Variants in NCKAP5 observed in about 807,000 individuals in gnomAD.
NCKAP5 encodes the protein nck-associated protein 5.
A neutral mutation model predicts 167.0 loss-of-function variants in NCKAP5; 92 were observed. The ratio of observed to expected loss-of-function variants is 0.55; its 90% CI spans 0.47 to 0.66. The LOEUF (loss-of-function observed/expected upper bound fraction) is 0.66. Ranked by LOEUF, NCKAP5 falls within the 30% of genes least tolerant of loss-of-function variation. The probability of loss-of-function intolerance (pLI) is 0.00; values close to 1 mark genes in which losing one functional copy is unlikely to be tolerated. For missense variants in NCKAP5, 2,378 were observed against 2,315.0 expected, an observed-to-expected ratio of 1.03 and a Z score of -0.56; for synonymous variants, 891 against 877.4, an observed-to-expected ratio of 1.02 and a Z score of -0.27.
At chr2:133,036,132 C>T (rs903797037) in intron 6 of NCKAP5, among the ~76,000 whole-genome samples, 5 of 151,580 alleles carry the variant, frequency 3.3e-5, no homozygotes, top group South Asian at 2.1e-4. Context: ...GAAAAAAATC[C>T]GAAACCTGAA....
At chr2:133,471,644 A>C (rs1249216433) in intron 3 of NCKAP5, among the ~76,000 whole-genome samples, 1 of 152,144 alleles carries the variant, frequency 6.6e-6, no homozygotes, top group Non-Finnish European at 1.5e-5. Flanking sequence ...TTCCAGGACC[A>C]CTGATGCTTT....
At chr2:133,261,679 C>T (rs1170738400) in intron 4 of NCKAP5, among the ~76,000 whole-genome samples, 1 of 152,086 alleles carries the variant, frequency 6.6e-6, no homozygotes, top group Non-Finnish European at 1.5e-5. Flanking sequence ...ACTGAAATGT[C>T]GAAGCTTATC....
chr2:133,346,228 G>A (rs1013094517), intron 3 of NCKAP5, among the ~76,000 whole-genome samples: 6 of 152,150 alleles, frequency 3.9e-5, no homozygotes, highest in Admixed American at 6.5e-5. Context: ...GAATTTGCAG[G>A]AATCCAAAGA....
intron 3 of NCKAP5, among the ~76,000 whole-genome samples, chr2:133,314,892 G>A (rs377185623): frequency 6.6e-5 from 10 of 152,156 alleles, no homozygotes; most frequent in African/African-American, 2.2e-4. Flanking sequence ...TAACCGAGGT[G>A]GCTACTTTGG....
At chr2:132,741,283 T>C (rs184610645) in intron 16 of NCKAP5, among the ~76,000 whole-genome samples, 30 of 152,244 alleles carry the variant, frequency 2.0e-4, no homozygotes, top group Admixed American at 1.8e-3. Context: ...ATTATCGCTA[T>C]ACTCTTGTCA....
At chr2:133,268,357 T>C (rs2089340689) in intron 4 of NCKAP5, 1 of 152,106 alleles carries the variant, frequency 6.6e-6, no homozygotes. Flanking sequence ...GATTTACAGG[T>C]CAGAATTAAA....
chr2:133,031,653 C>T (rs1204841158), intron 6 of NCKAP5, among the ~76,000 whole-genome samples: 1 of 152,108 alleles, frequency 6.6e-6, no homozygotes, highest in Non-Finnish European at 1.5e-5. Context: ...GGAGTGCTGG[C>T]ATCACCCCTC....
chr2:133,566,725 C>T (rs1688580795), intron 1 of NCKAP5, among the ~76,000 whole-genome samples: 2 of 152,222 alleles, frequency 1.3e-5, no homozygotes, highest in South Asian at 4.1e-4. Context: ...TGCTCTTGGA[C>T]AATCACTTCT....
chr2:132,779,022 C>T (rs1402391267), intron 15 of NCKAP5, among the ~76,000 whole-genome samples: 3 of 152,202 alleles, frequency 2.0e-5, no homozygotes, highest in Admixed American at 1.3e-4. Context: ...TAACATTTCT[C>T]TGTATGGAAA....
At chr2:133,283,610 G>T (rs1028824148) in intron 4 of NCKAP5, among the ~76,000 whole-genome samples, 2 of 144,896 alleles carry the variant, frequency 1.4e-5, no homozygotes, top group African/African-American at 2.5e-5. Context: ...AAGCTGAAAA[G>T]GATTTTTTTT....
chr2:132,782,923 T>G lies in NCKAP5; in HGVS notation c.3888A>C (p.Lys1296Asn). ...PSTPPIEGSG[K>N]VRTQIITNTA... is the part of the protein sequence containing the mutation. ...TATTGGTAATGATCTGAGTGCGGACTTTGCCTGACCCTTCGATGGGGGGCG... is the reference window on the plus strand; with the variant it reads ...TATTGGTAATGATCTGAGTGCGGACGTTGCCTGACCCTTCGATGGGGGGCG... The change falls in exon 14 of 20, where the codon AAA becomes AAC. Residue 1296 changes from lysine (K) to asparagine (N), a missense_variant. Lys to Asn is a moderately conservative substitution (Grantham distance 94). Around this residue, in one of 3 missense-constraint regions of NCKAP5, gnomAD observed 1,325 missense variants for 1,274.5 expected, o/e 1.04. Coordinates refer to ENST00000409261, the MANE Select transcript of NCKAP5 (RefSeq NM_207363.3). The G allele has an allele frequency of 6.2e-7, 1 of 1,614,012 alleles. No homozygotes were observed.
chr2:133,366,959 A>G (rs1343098937), intron 3 of NCKAP5, among the ~76,000 whole-genome samples: 1 of 152,186 alleles, frequency 6.6e-6, no homozygotes, highest in Non-Finnish European at 1.5e-5. Flanking sequence ...TCACGTAAAG[A>G]CACTGAAAAT....
At chr2:133,203,326 T>C (rs1200338623) in intron 5 of NCKAP5, among the ~76,000 whole-genome samples, 5 of 151,566 alleles carry the variant, frequency 3.3e-5, no homozygotes, top group African/African-American at 1.2e-4. Context: ...CACTCATAGG[T>C]GGGAACTGAA....
At chr2:133,070,920 T>C (rs754460585) in intron 6 of NCKAP5, among the ~76,000 whole-genome samples, 3 of 152,190 alleles carry the variant, frequency 2.0e-5, no homozygotes, top group African/African-American at 7.2e-5. Context: ...ATTGTGTGAG[T>C]ATCCGATCAC....
intron 5 of NCKAP5, among the ~76,000 whole-genome samples, chr2:133,143,682 G>C (rs2149848372): frequency 6.6e-6 from 1 of 152,220 alleles, no homozygotes; most frequent in African/African-American, 2.4e-5. Context: ...GAGAGAAAAA[G>C]AGAGACTCTT....
intron 5 of NCKAP5, among the ~76,000 whole-genome samples, chr2:133,189,313 G>A (rs1472920521): frequency 1.3e-5 from 2 of 151,974 alleles, no homozygotes; most frequent in African/African-American, 4.8e-5. Context: ...ACCAAAAAAA[G>A]TCCAGGATCA....
chr2:133,188,609 T>C (rs979046340), intron 5 of NCKAP5, among the ~76,000 whole-genome samples: 7 of 152,032 alleles, frequency 4.6e-5, no homozygotes, highest in African/African-American at 1.7e-4. Context: ...GCAATCAAAC[T>C]AGAACTCAGG....
At chr2:133,014,338 T>G (rs1025509904) in intron 6 of NCKAP5, among the ~76,000 whole-genome samples, 6 of 152,196 alleles carry the variant, frequency 3.9e-5, no homozygotes, top group Admixed American at 6.5e-5. Flanking sequence ...TCATTTTCCC[T>G]CGTAGAATGT....
chr2:133,351,743 TG>T (rs1684378998), intron 3 of NCKAP5, among the ~76,000 whole-genome samples: 1 of 152,096 alleles, frequency 6.6e-6, no homozygotes, highest in South Asian at 2.1e-4. Context: ...CCTGGGCACC[TG>T]CCAGACCACT....
Sources: allele counts gnomAD v4.1 joint callset (sites outside exome capture counted in the v4.1 genomes callset), GRCh38; gene constraint gnomAD v4.1.1; regional missense constraint gnomAD v4.1.1; transcripts MANE v1.5; gene names NCBI Gene and HGNC (gene_info 2026-07-23, HGNC 2026-07-21).